BTBD7: variants seen among roughly 807,000 people sequenced by gnomAD.
The protein encoded by BTBD7 is BTB domain containing 7, also known as BTB/POZ domain-containing protein 7.
BTBD7 carries 38 observed loss-of-function variants against 99.9 expected under a neutral mutation model. The observed-to-expected ratio is 0.38, with a 90% CI of 0.29 to 0.50. BTBD7 has a LOEUF of 0.50. Among genes scored for constraint, BTBD7 ranks in the 20% least tolerant of loss-of-function variants. The pLI is 0.93. For missense variants in BTBD7, 1,170 were observed against 1,394.6 expected, an observed-to-expected ratio of 0.84 and a Z score of 2.57; for synonymous variants, 520 against 511.4, an observed-to-expected ratio of 1.02 and a Z score of -0.23.
intron 3 of BTBD7, among the ~76,000 whole-genome samples, chr14:93,289,080 C>T (rs191496803): frequency 1.3e-5 from 2 of 151,554 alleles, no homozygotes; most frequent in East Asian, 1.9e-4. Context: ...ATTGAGGGGG[C>T]GGGGACAAGG....
intron 6 of BTBD7, chr14:93,256,495 T>G (rs1385693412): frequency 6.6e-6 from 1 of 151,886 alleles, no homozygotes; most frequent in Non-Finnish European, 1.5e-5. Flanking sequence ...CTCGGCTCAC[T>G]GCAACCTCCA....
chr14:93,246,558 A>G (rs2052314423), intron 9 of BTBD7, among the ~76,000 whole-genome samples: 1 of 152,264 alleles, frequency 6.6e-6, no homozygotes, highest in Admixed American at 6.5e-5. Flanking sequence ...ATTATGTGAT[A>G]ATGCAAAAAC....
Position 93,294,511 on chromosome 14 carries a change from A to C in BTBD7, c.509T>G (p.Leu170Arg). ...LAARCPFFKT[L>R]LSSSPEYGAE... ...CCCATACTCTGGTGAGGAAGAAAGC[A>C]GTGTTTTAAAAAATGGACACCTTGC... Residue 170 changes from leucine (L) to arginine (R), a missense_variant, in exon 3 of 11, where the codon CTG becomes CGG. Physicochemically the swap from Leu to Arg is moderately radical, Grantham distance 102. Around this residue, in one of 4 missense-constraint regions of BTBD7, gnomAD observed 359 missense variants for 497.9 expected, o/e 0.72. Coordinates refer to ENST00000334746, the MANE Select transcript of BTBD7 (RefSeq NM_001002860.4). 6.2e-7 allele frequency: 1 copy of C among 1,614,072 alleles called. No homozygotes were observed. Among genetic ancestry groups the C allele is most frequent in the Non-Finnish European group, 8.5e-7 (1 of 1,179,986 alleles).
At chr14:93,308,548 T>G (rs1256648251) in intron 1 of BTBD7, among the ~76,000 whole-genome samples, 1 of 152,160 alleles carries the variant, frequency 6.6e-6, no homozygotes, top group African/African-American at 2.4e-5. Flanking sequence ...AACAGATGTG[T>G]ACACCCACGT....
chr14:93,243,229 T>C, intron 10 of BTBD7, 141 bp from the exon 11 acceptor site: 1 of 793,504 alleles, frequency 1.3e-6, no homozygotes, highest in African/African-American at 1.7e-5. Flanking sequence ...AGTCTCGCTC[T>C]GTCGCCCGGG....
At chr14:93,300,119 G>A (rs11622618) in intron 1 of BTBD7, among the ~76,000 whole-genome samples, 2,143 of 152,290 alleles carry the variant, frequency 0.014, 24 homozygotes, top group Middle Eastern at 0.034. Flanking sequence ...TGTAGGACAC[G>A]TCACATGTAA....
At chr14:93,300,350 T>C (rs1040951341) in intron 1 of BTBD7, among the ~76,000 whole-genome samples, 1 of 150,442 alleles carries the variant, frequency 6.6e-6, no homozygotes, top group Non-Finnish European at 1.5e-5. Flanking sequence ...CTCTGCCTCC[T>C]GGGTTCAAGT....
At position 93,290,350 on chromosome 14, in the gene BTBD7, C is replaced by T. The variant is rs562926351; in HGVS notation, c.1162+3508G>A. ...GCCTCAGCCTCCTGAGCAGCTGGGA[C>T]TACAGGCACCTGCCACCATGCCCAG... On this transcript the variant is annotated intron_variant, in intron 3 of 10. Coordinates refer to ENST00000334746, the MANE Select transcript of BTBD7 (RefSeq NM_001002860.4). Among the ~76,000 whole-genome samples, 35 of 149,476 alleles carry T rather than the reference C, an allele frequency of 2.3e-4. 1 individual carries two copies. The highest frequency in any genetic ancestry group is 7.3e-4 in the Admixed American group (11 of 15,010).
rs34225714 is a variant in BTBD7 at position 93,247,328 on chromosome 14, T to TTTTGTTTG, written c.2122-1050_2122-1043dup. 2.3e-3 allele frequency among the ~76,000 whole-genome samples: 339 copies of TTTTGTTTG among 149,294 alleles called. 2 individuals are homozygous for TTTTGTTTG. Among genetic ancestry groups the TTTTGTTTG allele is most frequent in the South Asian group, 0.015 (70 of 4,658 alleles). On this transcript the variant is annotated intron_variant, in intron 9 of 10. Coordinates refer to ENST00000334746, the MANE Select transcript of BTBD7 (RefSeq NM_001002860.4). Reference sequence around the variant, plus strand: ...CAGCCATTGTGTCCAGCCTATTCTTTTTTGTTTGTTTGTTTGTTTGTTTGT... The same window carrying TTTTGTTTG: ...CAGCCATTGTGTCCAGCCTATTCTTTTTTGTTTGTTTGTTTGTTTGTTTGTTTGTTTGT...
intron 1 of BTBD7, among the ~76,000 whole-genome samples, chr14:93,329,393 A>T (rs1205217328): frequency 1.3e-5 from 2 of 152,182 alleles, no homozygotes; most frequent in Admixed American, 1.3e-4. Flanking sequence ...ATTGGTGAAG[A>T]TGTAGAGAAA....
intron 1 of BTBD7, among the ~76,000 whole-genome samples, chr14:93,332,607 GCA>G (rs1328867498): frequency 6.6e-6 from 1 of 151,530 alleles, no homozygotes; most frequent in African/African-American, 2.4e-5. Flanking sequence ...CCCTCGGAGC[GCA>G]CAGAGACCGG....
chr14:93,312,766 T>G (rs1039305023), intron 1 of BTBD7, among the ~76,000 whole-genome samples: 1 of 152,196 alleles, frequency 6.6e-6, no homozygotes, highest in Non-Finnish European at 1.5e-5. Context: ...TTGTGGTTCT[T>G]CTGCCCAGCC....
At chr14:93,263,630 T>C (rs1033489220) in intron 4 of BTBD7, among the ~76,000 whole-genome samples, 155 bp downstream of exon 4, 2 of 152,216 alleles carry the variant, frequency 1.3e-5, no homozygotes, top group Non-Finnish European at 2.9e-5. Context: ...CAGAAGGCTT[T>C]TGTTGTACAA....
intron 1 of BTBD7, among the ~76,000 whole-genome samples, chr14:93,317,259 C>A (rs1000907976): frequency 1.3e-5 from 2 of 152,178 alleles, no homozygotes; most frequent in Non-Finnish European, 2.9e-5. Flanking sequence ...CCTGCCTCAG[C>A]CTCCCAAAGT....
chr14:93,331,889 C>CCCCCCCCCCCCCCCA (rs1555394531), intron 1 of BTBD7, among the ~76,000 whole-genome samples: 2 of 141,196 alleles, frequency 1.4e-5, no homozygotes, highest in African/African-American at 6.2e-5. Context: ...TCCCCCCCCC[C>CCCCCCCCCCCCCCCA]AAAAAGGTTG....
rs146394355 is a variant in BTBD7 at position 93,259,564 on chromosome 14, T to C, written c.1447+2038A>G. ...GTATCACCAGTATTGATTTTGGGGT[T>C]ACAAATAAATTTCAGTGACTAGGTA... On this transcript the variant is annotated intron_variant, in intron 5 of 10. Transcript: ENST00000334746. Among the ~76,000 whole-genome samples the C allele has an allele frequency of 2.3e-3, 344 of 152,326 alleles. 1 individual carries two copies. The highest frequency in any genetic ancestry group is 3.4e-3 in the Middle Eastern group (1 of 294).
chr14:93,289,990 G>A (rs887888051), intron 3 of BTBD7, among the ~76,000 whole-genome samples: 5 of 151,462 alleles, frequency 3.3e-5, no homozygotes, highest in Non-Finnish European at 7.4e-5. Context: ...CCTAGTAGCT[G>A]GGATTACAGG....
At position 93,266,624 on chromosome 14, in the gene BTBD7, C is replaced by G. The variant is rs542524952; in HGVS notation, c.1163-2631G>C. 2.5e-3 allele frequency among the ~76,000 whole-genome samples: 375 copies of G among 152,152 alleles called. 1 individual carries two copies. Among genetic ancestry groups the G allele is most frequent in the African/African-American group, 8.7e-3 (361 of 41,500 alleles). On this transcript the variant is annotated intron_variant, in intron 3 of 10. Coordinates refer to ENST00000334746, the MANE Select transcript of BTBD7 (RefSeq NM_001002860.4). ...CCTCTTCTCCCATTAAAAAAAGGAT[C>G]CTTCTAGAAAGTGTCAGAACAGAGG...
At chr14:93,314,194 G>A (rs1442325473) in intron 1 of BTBD7, among the ~76,000 whole-genome samples, 1 of 152,110 alleles carries the variant, frequency 6.6e-6, no homozygotes, top group African/African-American at 2.4e-5. Context: ...TCTCCAAAGA[G>A]TAACAAACCC....
Sources: allele counts gnomAD v4.1 joint callset (sites outside exome capture counted in the v4.1 genomes callset), GRCh38; gene constraint gnomAD v4.1.1; regional missense constraint gnomAD v4.1.1; transcripts MANE v1.5; gene names NCBI Gene and HGNC (gene_info 2026-07-23, HGNC 2026-07-21).